The following PCDHGB3 variants were observed in gnomAD, a reference collection of about 807,000 sequenced individuals.
The protein encoded by PCDHGB3 is protocadherin gamma subfamily B, 3.
Under a neutral mutation model 59.2 loss-of-function variants are expected in PCDHGB3, and 40 were observed. That is an observed-to-expected ratio of 0.68 (90% CI 0.52 to 0.88). PCDHGB3 has a LOEUF of 0.88. Ranked by LOEUF, PCDHGB3 falls within the 40% of genes least tolerant of loss-of-function variation. The probability of loss-of-function intolerance (pLI) is 0.00; values close to 1 mark genes in which losing one functional copy is unlikely to be tolerated. For missense variants in PCDHGB3, 1,309 were observed against 1,187.9 expected (o/e 1.10, Z -1.50); for synonymous variants, 581 against 503.6 (o/e 1.15, Z -2.06).
chr5:141,409,761 T>A, intron 1 of PCDHGB3: 1 of 1,612,966 alleles, frequency 6.2e-7, no homozygotes, highest in Non-Finnish European at 8.5e-7. Context: ...CAGCGCGCCT[T>A]TGATCACGAG....
At chr5:141,387,282 A>C (rs578102496) in intron 1 of PCDHGB3, among the ~76,000 whole-genome samples, 59 of 152,340 alleles carry the variant, frequency 3.9e-4, no homozygotes, top group Admixed American at 2.0e-3. Context: ...CAATGAAAGA[A>C]AGATAAAATG....
chr5:141,418,419 A>G (rs1181055959), intron 1 of PCDHGB3: 1 of 1,613,900 alleles, frequency 6.2e-7, no homozygotes, highest in Non-Finnish European at 8.5e-7. Flanking sequence ...GACAATCCTG[A>G]TGGTGGCAAA....
intron 1 of PCDHGB3, among the ~76,000 whole-genome samples, chr5:141,483,160 T>C (rs1199191595): frequency 6.6e-6 from 1 of 152,176 alleles, no homozygotes; most frequent in Non-Finnish European, 1.5e-5. Flanking sequence ...AGTTAGATCC[T>C]GAGTTACCTT....
rs377060474 is a variant in PCDHGB3, at chr5:141,487,810, C to A, written c.2416-6997C>A. The A allele has an allele frequency of 7.4e-4, 1,055 of 1,417,844 alleles. 13 individuals carry two copies. In the South Asian group the frequency reaches 0.013, roughly 17 times the overall value. The allele number at this position is 1,417,844 out of a possible 1,614,324, so 87.8% of individuals were successfully genotyped here. A position where few individuals can be genotyped will look rare whatever the true frequency, so the allele number is the denominator to read the frequency against. ...ATTAACCAGAGTTGTCACAGTTTAG[C>A]ATTGGGGGCGGGTCATGCCTATATC... On this transcript the variant is annotated intron_variant, in intron 1 of 3. Transcript: ENST00000576222. The surrounding 1 kb of genome is among the most constrained non-coding windows in gnomAD (Gnocchi z 5.0).
intron 1 of PCDHGB3, among the ~76,000 whole-genome samples, chr5:141,482,410 T>G (rs1054330181): frequency 2.3e-4 from 35 of 151,890 alleles, no homozygotes; most frequent in Non-Finnish European, 1.0e-4. Flanking sequence ...AATAACTATT[T>G]GTTGAACTAA....
At position 141,370,596 on chromosome 5, in the gene PCDHGB3, G is replaced by C; in HGVS notation, c.202G>C (p.Val68Leu). The part of the protein sequence containing the change: ...VGDLPTRNLR[V>L]IAEKKFFTVS... ...GGATTTACCTACTAGGAACCTGCGG[G>C]TTATTGCAGAGAAGAAATTCTTTAC... is the stretch of plus-strand genomic sequence containing the variant. The change falls in exon 1 of 4, where the codon GTT becomes CTT. Residue 68 changes from valine (V) to leucine (L), a missense_variant. Val to Leu is a conservative substitution (Grantham distance 32). Transcript: ENST00000576222. 6.2e-7 allele frequency: 1 copy of C among 1,613,936 alleles called. No individual in the cohort carries two copies. Among genetic ancestry groups the C allele is most frequent in the Non-Finnish European group, 8.5e-7 (1 of 1,179,890 alleles).
chr5:141,409,502 T>C, intron 1 of PCDHGB3: 2 of 1,613,986 alleles, frequency 1.2e-6, no homozygotes, highest in South Asian at 1.1e-5. Flanking sequence ...GCCTCTTTCT[T>C]CCAGTAGAAG....
chr5:141,455,860 A>ATTATTTATTTAT (rs145569377), intron 1 of PCDHGB3, among the ~76,000 whole-genome samples: 9 of 139,836 alleles, frequency 6.4e-5, no homozygotes, highest in African/African-American at 7.9e-5. Context: ...AATTTCTTTT[A>ATTATTTATTTAT]TTATTTATTT....
At chr5:141,457,736 T>G (rs1265562501) in intron 1 of PCDHGB3, among the ~76,000 whole-genome samples, 1 of 152,254 alleles carries the variant, frequency 6.6e-6, no homozygotes, top group African/African-American at 2.4e-5. Flanking sequence ...AGATTAGACT[T>G]TTAAAGCTGA....
At position 141,490,076 on chromosome 5, in the gene PCDHGB3, A is replaced by G. The variant is rs1025569516; in HGVS notation, c.2416-4731A>G. 2.5e-6 allele frequency: 4 copies of G among 1,614,240 alleles called. No homozygotes were observed. The highest frequency in any genetic ancestry group is 1.3e-5 in the African/African-American group (1 of 75,070). Reference sequence around the variant, plus strand: ...GAGGGCACCAACGGCCAACTAGACTATTCTTTTGGAGACCACACATCTGAG... The same window carrying G: ...GAGGGCACCAACGGCCAACTAGACTGTTCTTTTGGAGACCACACATCTGAG... On this transcript the variant is annotated intron_variant, in intron 1 of 3. Coordinates refer to ENST00000576222, the MANE Select transcript of PCDHGB3 (RefSeq NM_018924.5). The surrounding 1 kb of genome is among the most constrained non-coding windows in gnomAD (Gnocchi z 5.4).
chr5:141,377,955 G>T (rs557013488), intron 1 of PCDHGB3: 12 of 152,140 alleles, frequency 7.9e-5, no homozygotes, highest in African/African-American at 2.9e-4. Flanking sequence ...GTGTATCCAG[G>T]GCAACTTGAA....
intron 1 of PCDHGB3, chr5:141,394,322 G>A (rs1438978424): frequency 1.9e-6 from 3 of 1,613,842 alleles, no homozygotes; most frequent in African/African-American, 1.3e-5. Flanking sequence ...CCCTGTCCTC[G>A]TATATCTCCA....
intron 1 of PCDHGB3, chr5:141,415,272 A>G (rs771588742): frequency 1.3e-5 from 21 of 1,614,208 alleles, no homozygotes; most frequent in African/African-American, 9.3e-5. Context: ...ACCTGGTGGT[A>G]GCGGTGGCCG....
chr5:141,503,598 CAAA>C (rs765754054), intron 2 of PCDHGB3, among the ~76,000 whole-genome samples: 9 of 65,742 alleles, frequency 1.4e-4, no homozygotes, highest in Admixed American at 3.4e-4. Context: ...GACTCCAGCT[CAAA>C]AAAAAAAAAA....
At position 141,511,108 on chromosome 5, in the gene PCDHGB3, G is replaced by A; in HGVS notation, c.2725G>A (p.Asp909Asn). The A allele has an allele frequency of 6.2e-7, 1 of 1,614,244 alleles. No homozygotes were observed. The highest frequency in any genetic ancestry group is 2.2e-5 in the East Asian group (1 of 44,882). Residue 909 changes from aspartate (D) to asparagine (N), a missense_variant, in exon 4 of 4, where the codon GAT (aspartate) becomes AAT (asparagine). Physicochemically the swap from Asp to Asn is conservative, Grantham distance 23. Coordinates refer to ENST00000576222, the MANE Select transcript of PCDHGB3 (RefSeq NM_018924.5). ...ATLTNAAGKR[D>N]GKAPAGGNGN... Reference sequence around the variant, plus strand: ...ACTGACCAACGCAGCTGGCAAGCGGGATGGCAAGGCCCCAGCAGGTGGCAA... The same window carrying A: ...ACTGACCAACGCAGCTGGCAAGCGGAATGGCAAGGCCCCAGCAGGTGGCAA...
chr5:141,432,133 C>G lies in PCDHGB3; in HGVS notation c.2415+59324C>G. ...CGGTCTTCCCTCAGGCCTCCTATTC[C>G]GCTTATATCCCAGAGAACAATCCCA... On this transcript the variant is annotated intron_variant, in intron 1 of 3. Transcript: ENST00000576222. The surrounding 1 kb of genome is among the most constrained non-coding windows in gnomAD (Gnocchi z 6.0). 1 of 1,614,142 alleles carries G rather than the reference C, an allele frequency of 6.2e-7. No homozygotes were observed. The highest frequency in any genetic ancestry group is 1.1e-5 in the South Asian group (1 of 91,070).
Position 141,384,817 on chromosome 5 carries a change from C to T in PCDHGB3, c.2415+12008C>T, listed in dbSNP as rs373370095. On this transcript the variant is annotated intron_variant, in intron 1 of 3. Coordinates refer to ENST00000576222, the MANE Select transcript of PCDHGB3 (RefSeq NM_018924.5). Reference sequence around the variant, plus strand: ...CCTGCTGGACAGAGATGCCCTCAAGCAGAGCCTCGTGGTGGCCGTCCAGGA... The same window carrying T: ...CCTGCTGGACAGAGATGCCCTCAAGTAGAGCCTCGTGGTGGCCGTCCAGGA... 4.3e-6 allele frequency: 7 copies of T among 1,613,298 alleles called. No homozygotes were observed. In the African/African-American group the frequency reaches 5.3e-5, roughly 12 times the overall value.
At chr5:141,421,213 G>C (rs916345810) in intron 1 of PCDHGB3, 3 of 1,548,472 alleles carry the variant, frequency 1.9e-6, no homozygotes, top group Admixed American at 4.1e-5. Context: ...GCGGAATATC[G>C]GCTTAGAGCC....
intron 1 of PCDHGB3, chr5:141,421,396 C>T: frequency 2.5e-6 from 4 of 1,614,036 alleles, no homozygotes; most frequent in South Asian, 1.1e-5. Context: ...GGGGCTGGAG[C>T]CCCGGGAGCT....
Sources: allele counts gnomAD v4.1 joint callset (sites outside exome capture counted in the v4.1 genomes callset), GRCh38; gene constraint gnomAD v4.1.1; non-coding constraint Gnocchi (gnomAD v3.1); transcripts MANE v1.5; gene names NCBI Gene and HGNC (gene_info 2026-07-23, HGNC 2026-07-21).